The following SIM2 variants were observed in gnomAD, a reference collection of about 807,000 sequenced individuals.
SIM2 encodes SIM bHLH transcription factor 2.
In SIM2, 28 loss-of-function variants were observed where a neutral mutation model predicts 64.8. The observed-to-expected ratio is 0.43, with a 90% CI of 0.32 to 0.59. The LOEUF is 0.59. Among genes scored for constraint, SIM2 ranks in the 20% least tolerant of loss-of-function variants. The probability of loss-of-function intolerance (pLI) is 0.07; values close to 1 mark genes in which losing one functional copy is unlikely to be tolerated. For missense variants in SIM2, 847 were observed against 871.4 expected, an observed-to-expected ratio of 0.97 and a Z score of 0.35; for synonymous variants, 408 against 391.1, an observed-to-expected ratio of 1.04 and a Z score of -0.51.
rs768140573 is a variant in SIM2, at chr21:36,745,099, G to A, written c.1539G>A (p.Ala513=). Residue 513 remains alanine, a synonymous_variant, in exon 10 of 11, where the codon GCG becomes GCA. Transcript: ENST00000290399. This position sits in a 1 kb window ranked among gnomAD's most constrained non-coding sequence, Gnocchi z 4.8. ...SPAKNPPEPP[A]NTARHSLVPS... ...CTAAAAATCCTCCAGAGCCACCGGC[G>A]AACACTGCTAGGCACAGCCTGGTGC... The A allele has an allele frequency of 8.1e-6, 13 of 1,612,474 alleles. No individual in the cohort carries two copies. Among genetic ancestry groups the A allele is most frequent in the Middle Eastern group, 3.3e-4 (2 of 6,058 alleles).
intron 1 of SIM2, among the ~76,000 whole-genome samples, chr21:36,703,280 A>G (rs1440890298): frequency 6.6e-6 from 1 of 152,164 alleles, no homozygotes; most frequent in Non-Finnish European, 1.5e-5. Flanking sequence ...GGACTTGGGG[A>G]TGTTTTCAAC....
At chr21:36,704,149 C>A (rs1878518253) in intron 1 of SIM2, among the ~76,000 whole-genome samples, 1 of 152,198 alleles carries the variant, frequency 6.6e-6, no homozygotes, top group South Asian at 2.1e-4. Context: ...TGCCTGGGTG[C>A]CTTTGGGTTT....
At chr21:36,730,949 C>A (rs752686267) in intron 6 of SIM2, 96 bp from the exon 7 acceptor site, 92 of 837,610 alleles carry the variant, frequency 1.1e-4, no homozygotes, top group Non-Finnish European at 9.0e-5. Context: ...CCGCCTGAGC[C>A]TTTTAGCACT....
rs145363163 is a variant in SIM2 at position 36,719,946 on chromosome 21, GA to G, written c.457+28del. 0.23 allele frequency: 281,791 copies of G among 1,219,382 alleles called. 19,408 individuals are homozygous for G. The highest frequency in any genetic ancestry group is 0.25 in the Non-Finnish European group (218,100 of 878,486). The allele number at this position is 1,219,382 out of a possible 1,614,324, so 75.5% of individuals were successfully genotyped here. On this transcript the variant is annotated intron_variant, in intron 4 of 10. Transcript: ENST00000290399. ...TGCTCCAAGGTATTCCATCCAGAGG[GA>G]AAAAAAAAAACAGACTAAAAGCAAG...
intron 3 of SIM2, among the ~76,000 whole-genome samples, chr21:36,719,315 C>A (rs757927327): frequency 2.6e-5 from 4 of 152,276 alleles, no homozygotes; most frequent in Non-Finnish European, 4.4e-5. Context: ...ATGTCCTCCT[C>A]GGGCGCAGTG....
rs967746149 is a variant in SIM2, at chr21:36,699,980, G to A, written c.175+59G>A. On this transcript the variant is annotated intron_variant, in intron 1 of 10. Transcript: ENST00000290399. The surrounding 1 kb of genome is among the most constrained non-coding windows in gnomAD (Gnocchi z 5.6). The stretch of plus-strand genomic sequence containing the variant: ...GGAGCCCGGCGGCCCCGGCCCAGGC[G>A]GGAAGCGCAAGCCAGCCCGCCCAGA... 6.6e-7 allele frequency: 1 copy of A among 1,506,358 alleles called. No individual in the cohort carries two copies. The highest frequency in any genetic ancestry group is 8.9e-7 in the Non-Finnish European group (1 of 1,129,232). The allele number at this position is 1,506,358 out of a possible 1,614,324, so 93.3% of individuals were successfully genotyped here.
At chr21:36,737,730 C>T (rs571831095) in intron 7 of SIM2, among the ~76,000 whole-genome samples, 3 of 152,188 alleles carry the variant, frequency 2.0e-5, no homozygotes, top group African/African-American at 2.4e-5. Flanking sequence ...GAGGCCAAGG[C>T]GGGCGGGTCA....
At chr21:36,743,363 A>T (rs1246702086) in intron 8 of SIM2, 24 bp from the exon 9 acceptor site, 1 of 1,599,716 alleles carries the variant, frequency 6.3e-7, no homozygotes, top group Admixed American at 1.7e-5. Flanking sequence ...GCTGGACATG[A>T]CTCGGCCCAC....
chr21:36,747,717 C>G lies in SIM2; in HGVS notation c.1629C>G (p.Phe543Leu). ...RFGEDTAPPS[F>L]PSCGHYREEP... ...GCGAGGACACCGCGCCCCCGAGCTT[C>G]CCGAGCTGCGGCCACTACCGCGAGG... Residue 543 changes from phenylalanine to leucine, a missense_variant, in exon 11 of 11, where the codon TTC (phenylalanine) becomes TTG (leucine). Around this residue, in one of 3 missense-constraint regions of SIM2, gnomAD observed 447 missense variants for 414.6 expected, o/e 1.08. Transcript: ENST00000290399. The surrounding 1 kb of genome is among the most constrained non-coding windows in gnomAD (Gnocchi z 4.5). 3 of 1,276,296 alleles carry G rather than the reference C, an allele frequency of 2.4e-6. No individual in the cohort carries two copies. The highest frequency in any genetic ancestry group is 3.0e-6 in the Non-Finnish European group (3 of 1,009,290). 79.1% of individuals were successfully genotyped at this position (1,276,296 alleles called of 1,614,324 possible).
Position 36,731,035 on chromosome 21 carries a change from G to C in SIM2, c.744-10G>C. On this transcript the variant is annotated splice_polypyrimidine_tract_variant and intron_variant, in intron 6 of 10. Coordinates refer to ENST00000290399, the MANE Select transcript of SIM2 (RefSeq NM_005069.6). ...GTGGCGTAACTCACTGAGCTGCCAT[G>C]CCCCCACAGGGTGACCGAGGTGACG... is the stretch of plus-strand genomic sequence containing the variant. The C allele has an allele frequency of 6.2e-7, 1 of 1,606,926 alleles. No homozygotes were observed. The highest frequency in any genetic ancestry group is 8.5e-7 in the Non-Finnish European group (1 of 1,173,814).
chr21:36,717,972 G>A (rs553919498), intron 3 of SIM2, among the ~76,000 whole-genome samples: 33 of 152,292 alleles, frequency 2.2e-4, no homozygotes, highest in Non-Finnish European at 3.4e-4. Flanking sequence ...GCGAATGTCC[G>A]TCTGGGAGAT....
At position 36,726,642 on chromosome 21, in the gene SIM2, A is replaced by T. The variant is rs1351405099; in HGVS notation, c.743+324A>T. On this transcript the variant is annotated intron_variant, in intron 6 of 10. Coordinates refer to ENST00000290399, the MANE Select transcript of SIM2 (RefSeq NM_005069.6). The surrounding 1 kb of genome is among the most constrained non-coding windows in gnomAD (Gnocchi z 4.5). ...TGAAATGAAAACATGGGCTGTGAGC[A>T]CAGGTTGGGCTTTTTTGAAGGCCAT... Among the ~76,000 whole-genome samples, 1 of 152,214 alleles carries T rather than the reference A, an allele frequency of 6.6e-6. No homozygotes were observed. Among genetic ancestry groups the T allele is most frequent in the Non-Finnish European group, 1.5e-5 (1 of 68,038 alleles).
At chr21:36,729,055 C>T (rs1404475675) in intron 6 of SIM2, among the ~76,000 whole-genome samples, 1 of 152,176 alleles carries the variant, frequency 6.6e-6, no homozygotes. Flanking sequence ...TTGGAAAAAA[C>T]CGGGAGGGCA....
intron 3 of SIM2, among the ~76,000 whole-genome samples, chr21:36,718,273 A>C (rs762001620): frequency 3.9e-5 from 6 of 152,216 alleles, no homozygotes; most frequent in Non-Finnish European, 8.8e-5. Context: ...CTTGGTCCCA[A>C]GTAAAAGCTG....
intron 1 of SIM2, among the ~76,000 whole-genome samples, chr21:36,706,202 C>A (rs2088579141): frequency 6.6e-6 from 1 of 152,226 alleles, no homozygotes; most frequent in Non-Finnish European, 1.5e-5. Flanking sequence ...CCAACATGCA[C>A]ACACTCGCAG....
At chr21:36,701,442 C>T (rs1052056736) in intron 1 of SIM2, 1 of 152,300 alleles carries the variant, frequency 6.6e-6, no homozygotes, top group Admixed American at 6.5e-5. Flanking sequence ...AGCGCGGCCT[C>T]CAGCCCCGCG....
At chr21:36,733,086 C>T (rs2088992626) in intron 7 of SIM2, among the ~76,000 whole-genome samples, 1 of 152,162 alleles carries the variant, frequency 6.6e-6, no homozygotes, top group Non-Finnish European at 1.5e-5. Flanking sequence ...TCTGGAGCCC[C>T]CTTCCATGGA....
Position 36,699,963 on chromosome 21 carries a change from G to C in SIM2, c.175+42G>C, listed in dbSNP as rs1371685779. 6.5e-7 allele frequency: 1 copy of C among 1,532,864 alleles called. No individual in the cohort carries two copies. Among genetic ancestry groups the C allele is most frequent in the Non-Finnish European group, 8.7e-7 (1 of 1,145,080 alleles). The allele number at this position is 1,532,864 out of a possible 1,614,324, so 95.0% of individuals were successfully genotyped here. On this transcript the variant is annotated intron_variant, in intron 1 of 10. Transcript: ENST00000290399. This position sits in a 1 kb window ranked among gnomAD's most constrained non-coding sequence, Gnocchi z 5.6. ...GCGGCCGGGGACGCTGGGGAGCCCG[G>C]CGGCCCCGGCCCAGGCGGGAAGCGC...
At chr21:36,744,081 TC>T (rs1208024218) in intron 9 of SIM2, among the ~76,000 whole-genome samples, 1 of 152,012 alleles carries the variant, frequency 6.6e-6, no homozygotes, top group Non-Finnish European at 1.5e-5. Flanking sequence ...ATACTCCATC[TC>T]TATTAAAAAT....
Sources: allele counts gnomAD v4.1 joint callset (sites outside exome capture counted in the v4.1 genomes callset), GRCh38; gene constraint gnomAD v4.1.1; regional missense constraint gnomAD v4.1.1; non-coding constraint Gnocchi (gnomAD v3.1); transcripts MANE v1.5; gene names NCBI Gene and HGNC (gene_info 2026-07-23, HGNC 2026-07-21).